The following CMSS1 variants were observed in gnomAD, a reference collection of about 807,000 sequenced individuals.
CMSS1 encodes the protein cms1 ribosomal small subunit homolog, also known as protein CMSS1.
A neutral mutation model predicts 43.5 loss-of-function variants in CMSS1; 33 were observed. The observed-to-expected ratio is 0.76, with a 90% CI of 0.57 to 1.01. The LOEUF is 1.01. CMSS1 is among the 50% of genes least tolerant of loss of function. CMSS1 has a pLI of 0.00. For synonymous variants in CMSS1, 115 were observed against 117.2 expected, an observed-to-expected ratio of 0.98 and a Z score of 0.12; for missense variants, 313 against 326.4, an observed-to-expected ratio of 0.96 and a Z score of 0.32.
intron 1 of CMSS1, among the ~76,000 whole-genome samples, chr3:100,108,189 C>T (rs2066426229): frequency 6.6e-6 from 1 of 152,066 alleles, no homozygotes; most frequent in Non-Finnish European, 1.5e-5. Flanking sequence ...CCAGGGAATC[C>T]AAAGTTTTGT....
chr3:100,166,497 C>A, intron 5 of CMSS1, 103 bp downstream of exon 5: 1 of 710,060 alleles, frequency 1.4e-6, no homozygotes, highest in Non-Finnish European at 2.5e-6. Context: ...CACATTAGGC[C>A]ATTATTGCTC....
chr3:99,857,879 G>A (rs1218049597), intron 1 of CMSS1, among the ~76,000 whole-genome samples: 2 of 152,148 alleles, frequency 1.3e-5, no homozygotes, highest in East Asian at 3.8e-4. Context: ...AATATGGCAA[G>A]ACTTTTATTC....
At chr3:99,914,711 A>T (rs762678627) in intron 1 of CMSS1, among the ~76,000 whole-genome samples, 1 of 152,268 alleles carries the variant, frequency 6.6e-6, no homozygotes, top group Non-Finnish European at 1.5e-5. Context: ...AATTTCACAT[A>T]TAAGAATTCT....
At chr3:100,010,294 G>GAA in intron 1 of CMSS1, 1 of 200,328 alleles carries the variant, frequency 5.0e-6, no homozygotes, top group Non-Finnish European at 8.8e-6. Context: ...TGCATGGAAG[G>GAA]AAAAAAAAAT....
chr3:99,819,572 C>T (rs1032771158), intron 1 of CMSS1, among the ~76,000 whole-genome samples: 2 of 152,098 alleles, frequency 1.3e-5, no homozygotes, highest in African/African-American at 2.4e-5. Context: ...AAAGTTAAGT[C>T]GTGTTCTTAG....
intron 1 of CMSS1, among the ~76,000 whole-genome samples, chr3:99,918,973 C>A (rs1488568832): frequency 6.6e-6 from 1 of 152,178 alleles, no homozygotes; most frequent in African/African-American, 2.4e-5. Flanking sequence ...GAAATGATTG[C>A]ATTTGAGTAC....
At chr3:100,139,959 A>G (rs1030271379) in intron 1 of CMSS1, among the ~76,000 whole-genome samples, 2 of 151,886 alleles carry the variant, frequency 1.3e-5, no homozygotes, top group African/African-American at 2.4e-5. Flanking sequence ...CAAACCCAAC[A>G]CCTACTTACC....
chr3:100,166,481 T>C lies in CMSS1; in HGVS notation c.415+87T>C, dbSNP rs1253867061. The stretch of plus-strand genomic sequence containing the variant: ...TTTAGGTTTTGGTCTCGTTTTTGTT[T>C]TATAACACATTAGGCCATTATTGCT... On this transcript the variant is annotated intron_variant, in intron 5 of 9. Transcript: ENST00000421999. The C allele has an allele frequency of 8.5e-6, 7 of 825,568 alleles. No individual in the cohort carries two copies. In the Admixed American group the frequency reaches 1.2e-4, roughly 14 times the overall value. The allele number at this position is 825,568 out of a possible 1,614,324, so 51.1% of individuals were successfully genotyped here.
intron 1 of CMSS1, among the ~76,000 whole-genome samples, chr3:99,943,079 C>G (rs1707899372): frequency 2.0e-5 from 3 of 152,156 alleles, no homozygotes. Flanking sequence ...TTGGAGTCAT[C>G]TGCTTTGAAA....
chr3:100,172,149 C>T (rs2067115339), intron 7 of CMSS1, 167 bp from the exon 8 acceptor site: 1 of 656,972 alleles, frequency 1.5e-6, no homozygotes, highest in African/African-American at 1.8e-5. Context: ...TGAAGATTAC[C>T]AGTTTTCTAG....
chr3:99,981,482 A>G (rs530101197), intron 1 of CMSS1, among the ~76,000 whole-genome samples: 15 of 152,166 alleles, frequency 9.9e-5, no homozygotes, highest in African/African-American at 3.6e-4. Flanking sequence ...ACTCACAATG[A>G]TACATGATAA....
intron 1 of CMSS1, among the ~76,000 whole-genome samples, chr3:99,945,323 G>A (rs892954429): frequency 7.9e-5 from 12 of 152,168 alleles, no homozygotes; most frequent in Admixed American, 2.0e-4. Context: ...TACCCAGACT[G>A]CTTCCCAGCC....
At chr3:99,850,580 C>T (rs1195068382) in intron 1 of CMSS1, 2 of 1,613,694 alleles carry the variant, frequency 1.2e-6, no homozygotes, top group South Asian at 1.1e-5. Flanking sequence ...ATGATACCAG[C>T]GTTTCCATAT....
At chr3:99,970,305 T>C (rs1708775670) in intron 1 of CMSS1, among the ~76,000 whole-genome samples, 1 of 152,226 alleles carries the variant, frequency 6.6e-6, no homozygotes. Flanking sequence ...TCACTCTGAA[T>C]AGGGAATGCC....
chr3:99,978,396 A>G (rs556689677), intron 1 of CMSS1, among the ~76,000 whole-genome samples: 2 of 152,360 alleles, frequency 1.3e-5, no homozygotes, highest in South Asian at 2.1e-4. Context: ...GTGTTCATCA[A>G]TAGATGAATG....
intron 2 of CMSS1, among the ~76,000 whole-genome samples, chr3:100,152,638 T>G (rs2066930202): frequency 6.6e-6 from 1 of 152,212 alleles, no homozygotes; most frequent in African/African-American, 2.4e-5. Context: ...GATTTCATCT[T>G]TAATCTTCCT....
At chr3:100,078,773 C>A (rs566639700) in intron 1 of CMSS1, among the ~76,000 whole-genome samples, 1 of 152,164 alleles carries the variant, frequency 6.6e-6, no homozygotes, top group South Asian at 2.1e-4. Flanking sequence ...TGCCTGTAAT[C>A]CAAGCTACTC....
chr3:99,871,268 TAGA>T (rs1157178940), intron 1 of CMSS1, among the ~76,000 whole-genome samples: 1 of 152,188 alleles, frequency 6.6e-6, no homozygotes, highest in African/African-American at 2.4e-5. Context: ...AAACAAAATC[TAGA>T]AGAAGGGGCC....
chr3:99,985,808 C>T (rs761961348), intron 1 of CMSS1, among the ~76,000 whole-genome samples: 1 of 152,084 alleles, frequency 6.6e-6, no homozygotes, highest in East Asian at 1.9e-4. Flanking sequence ...AGGCTGGTCT[C>T]GAACTCCTGA....
Sources: allele counts gnomAD v4.1 joint callset (sites outside exome capture counted in the v4.1 genomes callset), GRCh38; gene constraint gnomAD v4.1.1; transcripts MANE v1.5; gene names NCBI Gene and HGNC (gene_info 2026-07-23, HGNC 2026-07-21).